NRXN1: variants seen among roughly 807,000 people sequenced by gnomAD.
The protein encoded by NRXN1 is neurexin 1.
A neutral mutation model predicts 150.9 loss-of-function variants in NRXN1; 39 were observed. The ratio of observed to expected loss-of-function variants is 0.26; its 90% CI spans 0.20 to 0.34. The LOEUF is 0.34. NRXN1 is among the 10% of genes least tolerant of loss of function. The pLI, the probability that NRXN1 is intolerant of heterozygous loss-of-function variation, is 1.00. For synonymous variants in NRXN1, 924 were observed against 757.0 expected (o/e 1.22, Z -3.62); for missense variants, 1,815 against 1,949.9 (o/e 0.93, Z 1.30).
intron 17 of NRXN1, among the ~76,000 whole-genome samples, chr2:50,290,122 A>G (rs969082340): frequency 3.9e-4 from 60 of 152,330 alleles, no homozygotes; most frequent in African/African-American, 1.4e-3. Flanking sequence ...TGATGAAAGT[A>G]CAAACTCTGA....
intron 19 of NRXN1, among the ~76,000 whole-genome samples, chr2:50,080,100 T>A (rs1697725053): frequency 6.6e-6 from 1 of 152,118 alleles, no homozygotes; most frequent in African/African-American, 2.4e-5. Context: ...TTTTCTAGTG[T>A]ATCCACGTTA....
At chr2:50,383,103 C>T (rs535942521) in intron 17 of NRXN1, among the ~76,000 whole-genome samples, 43 of 152,094 alleles carry the variant, frequency 2.8e-4, no homozygotes, top group Non-Finnish European at 6.0e-4. Context: ...CAGGGCCAAT[C>T]AGGTTGTGCA....
chr2:49,935,290 A>T (rs1670836690), intron 22 of NRXN1, among the ~76,000 whole-genome samples: 1 of 152,216 alleles, frequency 6.6e-6, no homozygotes, highest in South Asian at 2.1e-4. Context: ...AGATTTGAAC[A>T]CAGGCATTGG....
At position 50,522,719 on chromosome 2, in the gene NRXN1, C is replaced by CCTTTTTTTTTTTTTTTTTTTTT. The variant is rs1323306682; in HGVS notation, c.2374+5905_2374+5906insAAAAAAAAAAAAAAAAAAAAAG. ...TTCCATTTATTCATTTATTTTTATTCATTTTTTTTTTTTTTTTTTTTTTTT... is the reference window on the plus strand; with the variant it reads ...TTCCATTTATTCATTTATTTTTATTCCTTTTTTTTTTTTTTTTTTTTTATTTTTTTTTTTTTTTTTTTTTTTT... On this transcript the variant is annotated intron_variant, in intron 12 of 22. Transcript: ENST00000401669. 2.2e-4 allele frequency among the ~76,000 whole-genome samples: 19 copies of CCTTTTTTTTTTTTTTTTTTTTT among 86,556 alleles called. 7 individuals carry two copies. The highest frequency in any genetic ancestry group is 4.2e-4 in the African/African-American group (7 of 16,774). The allele number at this position is 86,556 out of a possible 152,430, so 56.8% of individuals were successfully genotyped here. A position where few individuals can be genotyped will look rare whatever the true frequency, so the allele number is the denominator to read the frequency against.
intron 17 of NRXN1, among the ~76,000 whole-genome samples, chr2:50,299,404 T>C (rs2073944679): frequency 7.1e-6 from 1 of 141,662 alleles, no homozygotes; most frequent in Non-Finnish European, 1.6e-5. Context: ...TCCTGGTCAT[T>C]GTCCAATTTT....
At chr2:51,000,272 C>T (rs1299827082) in intron 2 of NRXN1, among the ~76,000 whole-genome samples, 1 of 152,040 alleles carries the variant, frequency 6.6e-6, no homozygotes, top group African/African-American at 2.4e-5. Flanking sequence ...CTTATCCATT[C>T]TCTATGTCCT....
At chr2:50,529,327 C>A (rs2093038611) in intron 11 of NRXN1, among the ~76,000 whole-genome samples, 1 of 152,142 alleles carries the variant, frequency 6.6e-6, no homozygotes, top group African/African-American at 2.4e-5. Context: ...CAAGCCTATG[C>A]CTCTCTTAGG....
chr2:50,051,127 C>A (rs1282763390), intron 21 of NRXN1, among the ~76,000 whole-genome samples: 1 of 151,814 alleles, frequency 6.6e-6, no homozygotes, highest in Non-Finnish European at 1.5e-5. Flanking sequence ...TTTTCATTGG[C>A]AATTAAGGAG....
intron 21 of NRXN1, among the ~76,000 whole-genome samples, chr2:49,963,754 C>T (rs1187082677): frequency 1.3e-5 from 2 of 152,202 alleles, no homozygotes; most frequent in African/African-American, 2.4e-5. Flanking sequence ...TTCTCAATTA[C>T]TTTCATTAAA....
Position 50,012,214 on chromosome 2 carries a change from G to T in NRXN1, c.4128+41057C>A, listed in dbSNP as rs72887901. ...CATCCATGTCTTGATCAAAACAGGG[G>T]CATGAATTACTAGAAGAATAAGAGC... On this transcript the variant is annotated intron_variant, in intron 21 of 22. Transcript: ENST00000401669. Among the ~76,000 whole-genome samples, 679 of 152,130 alleles carry T rather than the reference G, an allele frequency of 4.5e-3. 3 individuals are homozygous for T. Among genetic ancestry groups the T allele is most frequent in the African/African-American group, 0.016 (656 of 41,538 alleles).
chr2:50,977,827 G>C (rs1696105066), intron 2 of NRXN1, among the ~76,000 whole-genome samples: 1 of 151,730 alleles, frequency 6.6e-6, no homozygotes, highest in Non-Finnish European at 1.5e-5. Flanking sequence ...AGCATGCAAA[G>C]CACATACTGC....
At chr2:50,744,232 G>A (rs1699756794) in intron 5 of NRXN1, among the ~76,000 whole-genome samples, 1 of 151,828 alleles carries the variant, frequency 6.6e-6, no homozygotes, top group Admixed American at 6.6e-5. Context: ...ATAATAATTT[G>A]GTAAAAACAA....
chr2:50,754,714 A>T (rs1700981489), intron 5 of NRXN1, among the ~76,000 whole-genome samples: 2 of 151,872 alleles, frequency 1.3e-5, no homozygotes, highest in African/African-American at 4.8e-5. Context: ...AGTAAATCAC[A>T]ACTGTTTTAC....
At chr2:50,869,076 T>G (rs1041870560) in intron 5 of NRXN1, among the ~76,000 whole-genome samples, 5 of 151,826 alleles carry the variant, frequency 3.3e-5, no homozygotes, top group African/African-American at 1.2e-4. Flanking sequence ...TCAGACACAA[T>G]GCCATTGTGT....
intron 5 of NRXN1, among the ~76,000 whole-genome samples, chr2:50,763,180 G>T (rs1018353923): frequency 6.6e-6 from 1 of 151,878 alleles, no homozygotes; most frequent in Non-Finnish European, 1.5e-5. Flanking sequence ...GAATCGACTA[G>T]TTCCTGTAAT....
At chr2:50,177,538 G>A (rs776776163) in intron 18 of NRXN1, among the ~76,000 whole-genome samples, 8 of 151,704 alleles carry the variant, frequency 5.3e-5, no homozygotes, top group African/African-American at 1.2e-4. Flanking sequence ...ACTTTGGGAT[G>A]TAAACAGAGC....
chr2:50,393,024 G>A (rs1170264605), intron 17 of NRXN1, among the ~76,000 whole-genome samples: 1 of 151,942 alleles, frequency 6.6e-6, no homozygotes, highest in Admixed American at 6.6e-5. Flanking sequence ...GAAGAAAAAG[G>A]GGAGAACTAT....
chr2:50,832,904 T>C (rs575957995), intron 5 of NRXN1, among the ~76,000 whole-genome samples: 35 of 152,138 alleles, frequency 2.3e-4, no homozygotes, highest in Non-Finnish European at 4.7e-4. Flanking sequence ...GAGGAAAATA[T>C]TTTCAAATCA....
chr2:50,587,417 G>A, intron 8 of NRXN1, among the ~76,000 whole-genome samples: 1 of 152,232 alleles, frequency 6.6e-6, no homozygotes, highest in South Asian at 2.1e-4. Flanking sequence ...CCCAGGATGG[G>A]GAGGTTGCAG....
Sources: allele counts gnomAD v4.1 joint callset (sites outside exome capture counted in the v4.1 genomes callset), GRCh38; gene constraint gnomAD v4.1.1; transcripts MANE v1.5; gene names NCBI Gene and HGNC (gene_info 2026-07-23, HGNC 2026-07-21).